SDK1: variants seen among roughly 807,000 people sequenced by gnomAD.
The protein encoded by SDK1 is sidekick cell adhesion molecule 1.
A neutral mutation model predicts 245.5 loss-of-function variants in SDK1; 157 were observed. The ratio of observed to expected loss-of-function variants is 0.64; its 90% CI spans 0.56 to 0.73. SDK1 has a LOEUF of 0.73. Ranked by LOEUF, SDK1 falls within the 30% of genes least tolerant of loss-of-function variation. The probability of loss-of-function intolerance (pLI) is 0.00; values close to 1 mark genes in which losing one functional copy is unlikely to be tolerated. For synonymous variants in SDK1, 1,647 were observed against 1,278.5 expected, an observed-to-expected ratio of 1.29 and a Z score of -6.15; for missense variants, 3,583 against 3,002.3, an observed-to-expected ratio of 1.19 and a Z score of -4.52.
chr7:3,689,704 G>A (rs536229543), intron 4 of SDK1, among the ~76,000 whole-genome samples: 1 of 152,230 alleles, frequency 6.6e-6, no homozygotes, highest in Non-Finnish European at 1.5e-5. Context: ...ATGAGGATTA[G>A]GTTAGATGAA....
intron 4 of SDK1, among the ~76,000 whole-genome samples, chr7:3,752,286 A>G (rs966857495): frequency 6.6e-6 from 1 of 152,162 alleles, no homozygotes; most frequent in Non-Finnish European, 1.5e-5. Flanking sequence ...TAGGACTTCA[A>G]AGACCCCTTT....
chr7:3,937,324 C>T (rs763126687), intron 5 of SDK1, among the ~76,000 whole-genome samples: 1 of 152,126 alleles, frequency 6.6e-6, no homozygotes, highest in Non-Finnish European at 1.5e-5. Context: ...CATGGTCATG[C>T]GTTCCAGTGG....
At chr7:3,472,121 G>C (rs1781203562) in intron 1 of SDK1, among the ~76,000 whole-genome samples, 1 of 152,160 alleles carries the variant, frequency 6.6e-6, no homozygotes, top group African/African-American at 2.4e-5. Flanking sequence ...TTCCCACTGT[G>C]TTGTGGGTTG....
chr7:3,929,232 G>A lies in SDK1; in HGVS notation c.848-21691G>A, dbSNP rs114315733. On this transcript the variant is annotated intron_variant, in intron 5 of 44. Coordinates refer to ENST00000404826, the MANE Select transcript of SDK1 (RefSeq NM_152744.4). ...AACAGCAAGCTTGCCGCCAAATTCC[G>A]TCACTGATTATTTTGACTTGATGAA... 6.2e-3 allele frequency among the ~76,000 whole-genome samples: 949 copies of A among 152,280 alleles called. 10 individuals are homozygous for A. Among genetic ancestry groups the A allele is most frequent in the African/African-American group, 0.02 (837 of 41,540 alleles).
At chr7:3,833,352 A>G (rs1779956558) in intron 5 of SDK1, among the ~76,000 whole-genome samples, 1 of 152,186 alleles carries the variant, frequency 6.6e-6, no homozygotes, top group African/African-American at 2.4e-5. Context: ...CTGGTATTAA[A>G]TGCCCTTCTC....
chr7:3,476,753 A>T (rs1280917271), intron 1 of SDK1, among the ~76,000 whole-genome samples: 1 of 152,138 alleles, frequency 6.6e-6, no homozygotes, highest in African/African-American at 2.4e-5. Context: ...TTTGGTTTGG[A>T]TGACCTCATC....
At chr7:3,586,396 T>C (rs1352647754) in intron 1 of SDK1, among the ~76,000 whole-genome samples, 1 of 151,798 alleles carries the variant, frequency 6.6e-6, no homozygotes, top group Non-Finnish European at 1.5e-5. Context: ...CCCCCCATGA[T>C]ATATAGAAAT....
At chr7:3,604,035 C>A (rs1232716692) in intron 1 of SDK1, among the ~76,000 whole-genome samples, 3 of 152,180 alleles carry the variant, frequency 2.0e-5, no homozygotes, top group Non-Finnish European at 4.4e-5. Context: ...ATGAAGCCCA[C>A]TTGATCATGG....
At chr7:4,025,160 G>A (rs904422904) in intron 17 of SDK1, among the ~76,000 whole-genome samples, 5 of 152,120 alleles carry the variant, frequency 3.3e-5, no homozygotes, top group African/African-American at 9.7e-5. Context: ...CTGTGACCAC[G>A]GAATTGATTT....
At chr7:4,076,749 G>A (rs1242356462) in intron 20 of SDK1, among the ~76,000 whole-genome samples, 1 of 152,158 alleles carries the variant, frequency 6.6e-6, no homozygotes, top group East Asian at 1.9e-4. Flanking sequence ...AGCTCGCCCT[G>A]GTAGGGAGGG....
intron 44 of SDK1, among the ~76,000 whole-genome samples, chr7:4,261,518 G>A (rs925150403): frequency 4.6e-5 from 7 of 152,120 alleles, no homozygotes; most frequent in Non-Finnish European, 1.0e-4. Context: ...CCACATCTGG[G>A]GCCACAGCCG....
chr7:3,397,314 A>G lies in SDK1; in HGVS notation c.298+95430A>G, dbSNP rs541600969. Reference sequence around the variant, plus strand: ...ATTGGTACTTTCAAATTTTTTTCATATGGATTTGAATTACTTCAGCTGGAA... The same window carrying G: ...ATTGGTACTTTCAAATTTTTTTCATGTGGATTTGAATTACTTCAGCTGGAA... On this transcript the variant is annotated intron_variant, in intron 1 of 44. Transcript: ENST00000404826. Among the ~76,000 whole-genome samples, 7 of 151,978 alleles carry G rather than the reference A, an allele frequency of 4.6e-5. No individual in the cohort carries two copies. In the South Asian group the frequency reaches 1.5e-3, roughly 32 times the overall value.
At chr7:3,939,609 G>A (rs1780282618) in intron 5 of SDK1, among the ~76,000 whole-genome samples, 1 of 152,104 alleles carries the variant, frequency 6.6e-6, no homozygotes, top group African/African-American at 2.4e-5. Context: ...CTGCCTGCAC[G>A]TCTTTCACTT....
intron 1 of SDK1, among the ~76,000 whole-genome samples, chr7:3,585,513 G>A (rs977227901): frequency 9.2e-5 from 14 of 152,222 alleles, no homozygotes; most frequent in Admixed American, 5.9e-4. Flanking sequence ...AAGGACTGAT[G>A]GTAGCTGGAG....
chr7:3,566,799 G>A (rs1477745752), intron 1 of SDK1, among the ~76,000 whole-genome samples: 2 of 150,836 alleles, frequency 1.3e-5, no homozygotes, highest in Non-Finnish European at 2.9e-5. Context: ...AACAGTGAAC[G>A]CAAAAGGCTA....
intron 5 of SDK1, among the ~76,000 whole-genome samples, chr7:3,949,852 T>C (rs929986097): frequency 2.0e-5 from 3 of 152,188 alleles, no homozygotes; most frequent in African/African-American, 7.2e-5. Context: ...GAAAAAAGGA[T>C]TGAAACTGCA....
At chr7:3,903,852 GTTC>G (rs1781874908) in intron 5 of SDK1, among the ~76,000 whole-genome samples, 1 of 152,112 alleles carries the variant, frequency 6.6e-6, no homozygotes, top group South Asian at 2.1e-4. Context: ...TTGGGAGTGA[GTTC>G]TTGCCCTATT....
chr7:3,318,452 T>C (rs1469078874), intron 1 of SDK1, among the ~76,000 whole-genome samples: 2 of 152,234 alleles, frequency 1.3e-5, no homozygotes, highest in African/African-American at 2.4e-5. Flanking sequence ...ATGTAAAGTA[T>C]TTAGCACAGT....
chr7:3,872,981 T>C (rs1780993478), intron 5 of SDK1, among the ~76,000 whole-genome samples: 1 of 152,170 alleles, frequency 6.6e-6, no homozygotes, highest in South Asian at 2.1e-4. Context: ...AGTAATCTTT[T>C]AGAGAACTTA....
Sources: gnomAD v4.1 joint callset for allele counts (sites outside exome capture counted in the v4.1 genomes callset) on GRCh38, gnomAD v4.1.1 for gene constraint, MANE v1.5 for transcripts, NCBI Gene and HGNC (gene_info 2026-07-23, HGNC 2026-07-21) for gene names.